The following HDAC9 variants were observed in gnomAD, a reference collection of about 807,000 sequenced individuals.
HDAC9 encodes histone deacetylase 9, also known as MEF-2 interacting transcription repressor (MITR) protein.
In HDAC9, 41 loss-of-function variants were observed where a neutral mutation model predicts 139.4. The observed-to-expected ratio is 0.29, with a 90% confidence interval of 0.23 to 0.38. HDAC9 has a LOEUF of 0.38. Ranked by LOEUF, HDAC9 falls within the 10% of genes least tolerant of loss-of-function variation. The pLI is 1.00. For synonymous variants in HDAC9, 517 were observed against 476.2 expected, an observed-to-expected ratio of 1.09 and a Z score of -1.12; for missense variants, 1,147 against 1,297.0, an observed-to-expected ratio of 0.88 and a Z score of 1.78.
chr7:18,659,429 A>G (rs547806512), intron 11 of HDAC9, among the ~76,000 whole-genome samples: 1 of 152,312 alleles, frequency 6.6e-6, no homozygotes, highest in South Asian at 2.1e-4. Context: ...TGACCTGAGC[A>G]GGGATTGATA....
At chr7:18,274,436 T>A (rs1348450574) in intron 2 of HDAC9, among the ~76,000 whole-genome samples, 1 of 152,122 alleles carries the variant, frequency 6.6e-6, no homozygotes, top group Non-Finnish European at 1.5e-5. Context: ...CTCAGGGGAA[T>A]GAATCCATTC....
chr7:18,520,681 A>C (rs934969563), intron 2 of HDAC9, among the ~76,000 whole-genome samples: 3 of 152,172 alleles, frequency 2.0e-5, no homozygotes, highest in Admixed American at 6.5e-5. Flanking sequence ...CATATTTTCC[A>C]AAATAACAGT....
At chr7:18,926,905 A>G (rs1253093328) in intron 22 of HDAC9, among the ~76,000 whole-genome samples, 2 of 152,322 alleles carry the variant, frequency 1.3e-5, no homozygotes, top group South Asian at 2.1e-4. Flanking sequence ...TCTTTAAAAC[A>G]TATGCAGTAT....
At chr7:18,322,622 T>G (rs1800112388) in intron 1 of HDAC9, among the ~76,000 whole-genome samples, 2 of 152,188 alleles carry the variant, frequency 1.3e-5, no homozygotes, top group African/African-American at 4.8e-5. Context: ...ACCTCTACAG[T>G]ATGCTGGTGA....
intron 2 of HDAC9, among the ~76,000 whole-genome samples, chr7:18,505,283 G>C (rs1692866939): frequency 6.6e-6 from 1 of 152,136 alleles, no homozygotes; most frequent in South Asian, 2.1e-4. Flanking sequence ...ATTTTGGCAG[G>C]AGAAAGTAAT....
chr7:18,302,960 T>A (rs1798640248), intron 1 of HDAC9, among the ~76,000 whole-genome samples: 2 of 151,874 alleles, frequency 1.3e-5, no homozygotes, highest in South Asian at 4.1e-4. Flanking sequence ...TCAGGTCTTA[T>A]TTTGTACATA....
chr7:18,666,124 G>T (rs1222838367), intron 11 of HDAC9, 89 bp from the exon 12 acceptor site: 7 of 1,313,226 alleles, frequency 5.3e-6, no homozygotes, highest in Non-Finnish European at 7.4e-6. Flanking sequence ...AAATCACAGT[G>T]TATGAGTTAT....
intron 11 of HDAC9, among the ~76,000 whole-genome samples, chr7:18,652,757 C>T (rs1413484198): frequency 6.6e-6 from 1 of 151,854 alleles, no homozygotes; most frequent in Non-Finnish European, 1.5e-5. Context: ...TCCATAAGAG[C>T]AGGAATTTTA....
intron 12 of HDAC9, among the ~76,000 whole-genome samples, chr7:18,678,610 G>C (rs1321725241): frequency 1.3e-5 from 2 of 151,750 alleles, no homozygotes; most frequent in Admixed American, 1.3e-4. Context: ...TTTAATTTAA[G>C]ATCTGGAGGT....
intron 7 of HDAC9, among the ~76,000 whole-genome samples, chr7:18,631,986 A>G (rs562571245): frequency 6.6e-6 from 1 of 151,804 alleles, no homozygotes; most frequent in Non-Finnish European, 1.5e-5. Context: ...TCTTAATATC[A>G]TAAAATAATA....
intron 22 of HDAC9, among the ~76,000 whole-genome samples, chr7:18,935,010 A>G (rs1781525551): frequency 6.6e-6 from 1 of 152,192 alleles, no homozygotes; most frequent in South Asian, 2.1e-4. Context: ...ATGAGCTAAC[A>G]AAATACATGA....
intron 1 of HDAC9, among the ~76,000 whole-genome samples, chr7:18,451,634 G>A (rs1215637309): frequency 6.6e-6 from 1 of 151,810 alleles, no homozygotes; most frequent in Non-Finnish European, 1.5e-5. Flanking sequence ...TGGATATAGA[G>A]GTATCCACTG....
chr7:18,960,549 A>G (rs1783461218), intron 24 of HDAC9, among the ~76,000 whole-genome samples: 1 of 152,126 alleles, frequency 6.6e-6, no homozygotes, highest in South Asian at 2.1e-4. Context: ...TATATTTCCA[A>G]TGGGAGATAA....
intron 1 of HDAC9, among the ~76,000 whole-genome samples, chr7:18,088,195 T>C (rs1388882465): frequency 2.6e-5 from 4 of 152,230 alleles, no homozygotes; most frequent in African/African-American, 9.7e-5. Context: ...TTATTTCATG[T>C]ATGTGGGGTG....
chr7:18,297,244 CT>C (rs1177806817), intron 1 of HDAC9, among the ~76,000 whole-genome samples: 1 of 152,098 alleles, frequency 6.6e-6, no homozygotes, highest in Non-Finnish European at 1.5e-5. Flanking sequence ...TATTTAAAAA[CT>C]TTTTTATTTA....
chr7:18,624,082 A>G (rs1347049517), intron 6 of HDAC9, among the ~76,000 whole-genome samples: 2 of 152,312 alleles, frequency 1.3e-5, no homozygotes, highest in East Asian at 1.9e-4. Context: ...ACACAGTCAC[A>G]CATATCAATC....
At chr7:18,123,714 AG>A (rs892949838) in intron 1 of HDAC9, among the ~76,000 whole-genome samples, 1 of 152,200 alleles carries the variant, frequency 6.6e-6, no homozygotes, top group African/African-American at 2.4e-5. Flanking sequence ...GGCAGGCAAC[AG>A]GGTGTCTTCC....
chr7:18,298,006 A>G (rs1255418502), intron 1 of HDAC9, among the ~76,000 whole-genome samples: 1 of 152,106 alleles, frequency 6.6e-6, no homozygotes, highest in East Asian at 1.9e-4. Context: ...CGTTTTTCTC[A>G]GAGTCCTGCT....
At chr7:18,306,538 TA>T (rs1477540715) in intron 1 of HDAC9, among the ~76,000 whole-genome samples, 3 of 152,182 alleles carry the variant, frequency 2.0e-5, no homozygotes, top group Admixed American at 6.5e-5. Context: ...GACTGAGTAA[TA>T]TAGGGGTAGT....
Sources: allele counts gnomAD v4.1 joint callset (sites outside exome capture counted in the v4.1 genomes callset), GRCh38; gene constraint gnomAD v4.1.1; transcripts MANE v1.5; gene names NCBI Gene and HGNC (gene_info 2026-07-23, HGNC 2026-07-21).